Variants in SGCG observed in about 807,000 individuals in gnomAD.
The protein encoded by SGCG is sarcoglycan gamma.
In SGCG, 26 loss-of-function variants were observed where a neutral mutation model predicts 29.3. The observed-to-expected ratio is 0.89, with a 90% CI of 0.65 to 1.23. The LOEUF is 1.23. Ranked by LOEUF, SGCG falls within the 50% of genes most tolerant of loss-of-function variation. The pLI, the probability that SGCG is intolerant of heterozygous loss-of-function variation, is 0.00. For missense variants in SGCG, 353 were observed against 356.0 expected (o/e 0.99, Z 0.07); for synonymous variants, 145 against 129.7 (o/e 1.12, Z -0.80).
chr13:23,260,445 A>C (rs9550941), intron 4 of SGCG, among the ~76,000 whole-genome samples: 8 of 152,054 alleles, frequency 5.3e-5, no homozygotes, highest in African/African-American at 1.9e-4. Context: ...ATGTCTCTGC[A>C]CATGAGATGT....
the SGCG span, among the ~76,000 whole-genome samples, chr13:23,164,278 A>G: frequency 6.6e-6 from 1 of 152,354 alleles, no homozygotes; most frequent in East Asian, 1.9e-4. Flanking sequence ...TACATGTAAT[A>G]TCATTGTACC....
intron 2 of SGCG, among the ~76,000 whole-genome samples, chr13:23,211,963 C>A (rs1487878143): frequency 6.6e-6 from 1 of 152,134 alleles, no homozygotes; most frequent in African/African-American, 2.4e-5. Context: ...GCAGGTCCTT[C>A]ATGAATGGCT....
intron 1 of SGCG, among the ~76,000 whole-genome samples, chr13:23,183,869 T>C (rs1334183575): frequency 6.6e-6 from 1 of 152,044 alleles, no homozygotes; most frequent in African/African-American, 2.4e-5. Flanking sequence ...AGTTTCACCA[T>C]GTTAGTCAGG....
the SGCG span, among the ~76,000 whole-genome samples, chr13:23,164,281 A>C: frequency 1.3e-5 from 2 of 152,174 alleles, no homozygotes; most frequent in East Asian, 3.8e-4. Flanking sequence ...ATGTAATATC[A>C]TTGTACCATT....
chr13:23,290,982 G>A (rs140640837), intron 5 of SGCG, among the ~76,000 whole-genome samples: 6 of 152,240 alleles, frequency 3.9e-5, no homozygotes, highest in African/African-American at 9.6e-5. Context: ...CTTCATGACC[G>A]TCTCAATCCA....
At chr13:23,207,705 G>T (rs947656789) in intron 2 of SGCG, among the ~76,000 whole-genome samples, 1 of 152,064 alleles carries the variant, frequency 6.6e-6, no homozygotes, top group Non-Finnish European at 1.5e-5. Flanking sequence ...AAAGTGTTCA[G>T]CATCACTAAT....
At position 23,315,724 on chromosome 13, in the gene SGCG, T is replaced by C. The variant is rs1038991856; in HGVS notation, c.579-4913T>C. On this transcript the variant is annotated intron_variant, in intron 6 of 7. Coordinates refer to ENST00000218867, the MANE Select transcript of SGCG (RefSeq NM_000231.3). ...GGAGAAATGGCCAGATATGCAATTA[T>C]ATACTGATTCATGGGCTGTAGCCAA... Among the ~76,000 whole-genome samples the C allele has an allele frequency of 2.0e-5, 3 of 152,238 alleles. No individual in the cohort carries two copies. The East Asian group carries it at 5.8e-4, about 29-fold the overall frequency.
At chr13:23,219,149 G>A (rs566292702) in intron 2 of SGCG, among the ~76,000 whole-genome samples, 6 of 151,490 alleles carry the variant, frequency 4.0e-5, no homozygotes, top group South Asian at 2.1e-4. Flanking sequence ...CTGGGTTCAC[G>A]CCATTCTCTT....
intron 5 of SGCG, among the ~76,000 whole-genome samples, chr13:23,290,212 T>C (rs1334192973): frequency 6.6e-6 from 1 of 152,154 alleles, no homozygotes; most frequent in Admixed American, 6.5e-5. Flanking sequence ...GACACGTAAA[T>C]TGAAGATAAT....
chr13:23,250,198 G>A (rs542701878), intron 3 of SGCG, among the ~76,000 whole-genome samples: 1 of 152,050 alleles, frequency 6.6e-6, no homozygotes, highest in African/African-American at 2.4e-5. Context: ...TTTTGATAAA[G>A]TTTACTTTAC....
chr13:23,303,325 T>C (rs1452641008), intron 6 of SGCG, among the ~76,000 whole-genome samples: 1 of 152,218 alleles, frequency 6.6e-6, no homozygotes, highest in Non-Finnish European at 1.5e-5. Context: ...GGATGCACCA[T>C]CTCTGGTAAC....
At chr13:23,238,574 G>GA (rs1384746955) in intron 3 of SGCG, among the ~76,000 whole-genome samples, 2 of 152,022 alleles carry the variant, frequency 1.3e-5, no homozygotes, top group Non-Finnish European at 2.9e-5. Flanking sequence ...TCAACACTAG[G>GA]AAAAAAATCC....
chr13:23,175,166 G>A, the SGCG span, among the ~76,000 whole-genome samples: 33 of 152,194 alleles, frequency 2.2e-4, no homozygotes, highest in Non-Finnish European at 4.1e-4. Flanking sequence ...GAAAACCTGC[G>A]TGAACAAATT....
intron 4 of SGCG, among the ~76,000 whole-genome samples, chr13:23,273,520 A>G (rs1324039746): frequency 2.0e-5 from 3 of 152,320 alleles, no homozygotes; most frequent in South Asian, 2.1e-4. Flanking sequence ...GTTTAGTACA[A>G]TGAAATTTCC....
chr13:23,210,103 A>G (rs9580573), intron 2 of SGCG, among the ~76,000 whole-genome samples: 1 of 152,100 alleles, frequency 6.6e-6, no homozygotes, highest in Non-Finnish European at 1.5e-5. Context: ...TTAAATAACT[A>G]GGGAAGCAGC....
At chr13:23,237,223 C>A (rs920083592) in intron 3 of SGCG, among the ~76,000 whole-genome samples, 3 of 152,168 alleles carry the variant, frequency 2.0e-5, no homozygotes, top group Admixed American at 6.5e-5. Flanking sequence ...GAATTCATGG[C>A]TTAAACCCAT....
chr13:23,266,265 CTG>C (rs753730384), intron 4 of SGCG, among the ~76,000 whole-genome samples: 4 of 139,222 alleles, frequency 2.9e-5, no homozygotes, highest in Non-Finnish European at 3.2e-5. Context: ...GAGCAAGACT[CTG>C]TCTCAAAAAA....
intron 5 of SGCG, among the ~76,000 whole-genome samples, chr13:23,286,073 A>G (rs148459403): frequency 1.3e-5 from 2 of 152,268 alleles, no homozygotes; most frequent in East Asian, 3.9e-4. Flanking sequence ...GCCAGACACC[A>G]CCAACCAACA....
At position 23,188,311 on chromosome 13, in the gene SGCG, CTTTTTTTTTTTTTTT is replaced by C. The variant is rs71100159; in HGVS notation, c.-1+7253_-1+7267del. On this transcript the variant is annotated intron_variant, in intron 1 of 7. Coordinates refer to ENST00000218867, the MANE Select transcript of SGCG (RefSeq NM_000231.3). ...CGTCTGAACACATCTTTTACTAAGG[CTTTTTTTTTTTTTTT>C]TTTTTTTTTTTTTTTTGAGATAAGA... 9.8e-4 allele frequency among the ~76,000 whole-genome samples: 77 copies of C among 78,340 alleles called. 1 individual carries two copies. Among genetic ancestry groups the C allele is most frequent in the Middle Eastern group, 8.5e-3 (1 of 118 alleles). The allele number at this position is 78,340 out of a possible 152,430, so 51.4% of individuals were successfully genotyped here.
Sources: gnomAD v4.1 joint callset for allele counts (sites outside exome capture counted in the v4.1 genomes callset) on GRCh38, gnomAD v4.1.1 for gene constraint, MANE v1.5 for transcripts, NCBI Gene and HGNC (gene_info 2026-07-23, HGNC 2026-07-21) for gene names.